Variants in SEMA7A observed in about 807,000 individuals in gnomAD.
The protein encoded by SEMA7A is semaphorin 7A (JohnMiltonHagen blood group).
Under a neutral mutation model 67.5 loss-of-function variants are expected in SEMA7A, and 21 were observed. That is an observed-to-expected ratio of 0.31 (90% confidence interval 0.22 to 0.45). SEMA7A has a LOEUF of 0.45. Among genes scored for constraint, SEMA7A ranks in the 20% least tolerant of loss-of-function variants. The probability of loss-of-function intolerance (pLI) is 1.00; values close to 1 mark genes in which losing one functional copy is unlikely to be tolerated. For missense variants in SEMA7A, 774 were observed against 908.6 expected (o/e 0.85, Z 1.90); for synonymous variants, 364 against 368.5 (o/e 0.99, Z 0.14).
chr15:74,432,882 G>A (rs2061101278), intron 1 of SEMA7A, among the ~76,000 whole-genome samples: 2 of 152,060 alleles, frequency 1.3e-5, no homozygotes, highest in Non-Finnish European at 2.9e-5. Flanking sequence ...CCGCCTAACC[G>A]GCTTTCTGTC....
At chr15:74,426,010 T>C (rs1161058394) in intron 1 of SEMA7A, among the ~76,000 whole-genome samples, 1 of 152,212 alleles carries the variant, frequency 6.6e-6, no homozygotes, top group East Asian at 1.9e-4. Flanking sequence ...CAGTGGGTCA[T>C]GCCCATAATC....
intron 1 of SEMA7A, among the ~76,000 whole-genome samples, chr15:74,421,051 A>G (rs1387834816): frequency 1.3e-5 from 2 of 152,224 alleles, no homozygotes; most frequent in African/African-American, 4.8e-5. Context: ...ACTCAAGGGA[A>G]AAGAGGCACC....
chr15:74,425,656 G>T (rs1257000089), intron 1 of SEMA7A, among the ~76,000 whole-genome samples: 1 of 152,208 alleles, frequency 6.6e-6, no homozygotes, highest in African/African-American at 2.4e-5. Flanking sequence ...GAATTCCTAT[G>T]CTTTGATGTT....
In SEMA7A at chr15:74,418,301, G is replaced by C. The variant is rs540617650; in HGVS notation, c.339C>G (p.Ile113Met). ...CCAGACAGGACCCCTTTGTGGAGCC[G>C]ATATTCACCTGGGGGAAGGGGAGAA... ...GKNASVRTVNIGSTKGSCLDK... is the reference protein window; with the variant it reads ...GKNASVRTVNMGSTKGSCLDK... The change falls in exon 3 of 14, where the codon ATC becomes ATG. Residue 113 changes from isoleucine (I) to methionine (M), a missense_variant. Physicochemically the swap from Ile to Met is conservative, Grantham distance 10 (BLOSUM62 1). Coordinates refer to ENST00000261918, the MANE Select transcript of SEMA7A (RefSeq NM_003612.5). 6.2e-7 allele frequency: 1 copy of C among 1,611,296 alleles called. No homozygotes were observed. The highest frequency in any genetic ancestry group is 1.7e-5 in the Admixed American group (1 of 59,166).
chr15:74,417,719 C>A, intron 4 of SEMA7A, 44 bp from the exon 5 acceptor site: 1 of 1,565,464 alleles, frequency 6.4e-7, no homozygotes, highest in Non-Finnish European at 8.7e-7. Flanking sequence ...AATCCCACAG[C>A]CACTGCCTCC....
At chr15:74,432,987 C>G (rs1339163285) in intron 1 of SEMA7A, among the ~76,000 whole-genome samples, 1 of 152,178 alleles carries the variant, frequency 6.6e-6, no homozygotes, top group Non-Finnish European at 1.5e-5. Flanking sequence ...CACCCCCGCC[C>G]TAGATCCACC....
chr15:74,417,205 C>T (rs2060957835), intron 6 of SEMA7A, 130 bp downstream of exon 6: 7 of 740,526 alleles, frequency 9.5e-6, no homozygotes, highest in Admixed American at 2.0e-5. Flanking sequence ...AGGCCTATAC[C>T]AAGGTCCTGC....
In SEMA7A at chr15:74,414,655, G is replaced by A; in HGVS notation, c.1186C>T (p.Pro396Ser). The change falls in exon 10 of 14, where the codon CCT becomes TCT. Residue 396 changes from proline (P) to serine (S), a missense_variant. This residue lies in a region of SEMA7A where 427 missense variants were observed against 555.4 expected (regional missense o/e 0.77). Coordinates refer to ENST00000261918, the MANE Select transcript of SEMA7A (RefSeq NM_003612.5). The surrounding 1 kb of genome is among the most constrained non-coding windows in gnomAD (Gnocchi z 4.1). ...GAGTGGAACAATGGCGTCTTCAGAGGCCCCATGGGCTCCACCCTCTGCGCC... is the reference window on the plus strand; with the variant it reads ...GAGTGGAACAATGGCGTCTTCAGAGACCCCATGGGCTCCACCCTCTGCGCC... Reference protein sequence around the residue: ...EVAQRVEPMGPLKTPLFHSKY... With the variant: ...EVAQRVEPMGSLKTPLFHSKY... 6.2e-7 allele frequency: 1 copy of A among 1,614,172 alleles called. No individual in the cohort carries two copies. Among genetic ancestry groups the A allele is most frequent in the South Asian group, 1.1e-5 (1 of 91,078 alleles).
At position 74,411,599 on chromosome 15, in the gene SEMA7A, C is replaced by T. The variant is rs751493600; in HGVS notation, c.1534G>A (p.Gly512Ser). The change falls in exon 12 of 14, where the codon GGC (glycine) becomes AGC (serine). Residue 512 changes from glycine (G) to serine (S), a missense_variant. By Grantham distance (56) the Gly-to-Ser change is moderately conservative (BLOSUM62 0). Transcript: ENST00000261918. The surrounding 1 kb of genome is among the most constrained non-coding windows in gnomAD (Gnocchi z 4.4). ...GCLMSRDPYCGWDQGRCISIY... is the reference protein window; with the variant it reads ...GCLMSRDPYCSWDQGRCISIY... The stretch of plus-strand genomic sequence containing the variant: ...GAGATGCAGCGGCCTTGGTCCCAGC[C>T]GCAGTAGGGGTCTCGGGACATGAGG... 2 of 1,596,332 alleles carry T rather than the reference C, an allele frequency of 1.3e-6. No individual in the cohort carries two copies. The highest frequency in any genetic ancestry group is 1.7e-6 in the Non-Finnish European group (2 of 1,170,658).
At chr15:74,433,161 C>T (rs897236056) in intron 1 of SEMA7A, among the ~76,000 whole-genome samples, 1 of 152,114 alleles carries the variant, frequency 6.6e-6, no homozygotes, top group Non-Finnish European at 1.5e-5. Flanking sequence ...CGCACCATGT[C>T]CCGCCGCTCG....
intron 4 of SEMA7A, 52 bp from the exon 5 acceptor site, chr15:74,417,727 T>A: frequency 6.4e-7 from 1 of 1,561,998 alleles, no homozygotes; most frequent in Non-Finnish European, 8.8e-7. Flanking sequence ...AGCCACTGCC[T>A]CCCATGACGG....
intron 1 of SEMA7A, among the ~76,000 whole-genome samples, chr15:74,432,723 C>T (rs912990752): frequency 6.6e-6 from 1 of 152,206 alleles, no homozygotes; most frequent in African/African-American, 2.4e-5. Context: ...TCCCCCAGCC[C>T]CCACTGCGAG....
intron 1 of SEMA7A, 123 bp downstream of exon 1, chr15:74,433,607 ACGCGGGGACAG>A (rs1049894344): frequency 7.9e-6 from 10 of 1,270,852 alleles, no homozygotes; most frequent in East Asian, 6.5e-5. Context: ...CACACGCTCC[ACGCGGGGACAG>A]CGCGGGGACA....
chr15:74,418,161 A>G lies in SEMA7A; in HGVS notation c.372+107T>C, dbSNP rs539624313. The G allele has an allele frequency of 1.5e-5, 18 of 1,237,500 alleles. 1 individual carries two copies. The South Asian group carries it at 2.2e-4, about 15-fold the overall frequency. 76.7% of individuals were successfully genotyped at this position (1,237,500 alleles called of 1,614,324 possible). A position where few individuals can be genotyped will look rare whatever the true frequency, so the allele number is the denominator to read the frequency against. ...GCACAGAGGACCACGTCTCCCCATC[A>G]GTCTGGGACTCGTGGGGCAGGGCCA... is the stretch of plus-strand genomic sequence containing the variant. On this transcript the variant is annotated intron_variant, in intron 3 of 13. Transcript: ENST00000261918.
rs565553616 is a variant in SEMA7A, at chr15:74,410,436, C to A, written c.*188G>T. On this transcript the variant is annotated 3_prime_UTR_variant, in exon 14 of 14. Coordinates refer to ENST00000261918, the MANE Select transcript of SEMA7A (RefSeq NM_003612.5). This position sits in a 1 kb window ranked among gnomAD's most constrained non-coding sequence, Gnocchi z 7.5. ...CCCTCATTCTCAGCCCCTCACCATC[C>A]GTGCGCCACCTGGGGCCCAGCAGCC... 4.0e-6 allele frequency: 3 copies of A among 742,576 alleles called. No homozygotes were observed. The East Asian group carries it at 8.3e-5, about 21-fold the overall frequency. The allele number at this position is 742,576 out of a possible 1,614,324, so 46.0% of individuals were successfully genotyped here.
At position 74,417,441 on chromosome 15, in the gene SEMA7A, G is replaced by A. The variant is rs200802256; in HGVS notation, c.555C>T (p.Asp185=). 1.4e-4 allele frequency: 220 copies of A among 1,613,126 alleles called. 1 individual carries two copies. Among genetic ancestry groups the A allele is most frequent in the East Asian group, 2.5e-4 (11 of 44,874 alleles). Residue 185 remains aspartate (D), a synonymous_variant, in exon 6 of 14, where the codon GAC becomes GAT. Transcript: ENST00000261918. The part of the protein sequence containing the change: ...DENSLVLFEG[D]EVYSTIRKQE... Reference sequence around the variant, plus strand: ...GCTTCCGGATGGTGGAATACACCTCGTCCCCTGGGGTCAGTGGGAGGGAGA... The same window carrying A: ...GCTTCCGGATGGTGGAATACACCTCATCCCCTGGGGTCAGTGGGAGGGAGA...
chr15:74,411,051 C>T lies in SEMA7A; in HGVS notation c.1640-66G>A. The T allele has an allele frequency of 1.3e-6, 2 of 1,548,238 alleles. No homozygotes were observed. The highest frequency in any genetic ancestry group is 1.2e-5 in the South Asian group (1 of 81,590). Reference sequence around the variant, plus strand: ...GAGCTCCCAGGGGAGGATGTGTCCTCCCCACGGACTGGGATCCCAGGACAA... The same window carrying T: ...GAGCTCCCAGGGGAGGATGTGTCCTTCCCACGGACTGGGATCCCAGGACAA... On this transcript the variant is annotated intron_variant, in intron 13 of 13. Transcript: ENST00000261918. The surrounding 1 kb of genome is among the most constrained non-coding windows in gnomAD (Gnocchi z 4.4).
In SEMA7A at chr15:74,423,379, A is replaced by T. The variant is rs2061016741; in HGVS notation, c.179-4427T>A. ...AAGGTGGAAGGGAGAGGATCTAAAC[A>T]GTCATTGAACTGAAGGACACAGAGG... On this transcript the variant is annotated intron_variant, in intron 1 of 13. Transcript: ENST00000261918. This position sits in a 1 kb window ranked among gnomAD's most constrained non-coding sequence, Gnocchi z 4.1. Among the ~76,000 whole-genome samples, 1 of 152,204 alleles carries T rather than the reference A, an allele frequency of 6.6e-6. No individual in the cohort carries two copies. Among genetic ancestry groups the T allele is most frequent in the South Asian group, 2.1e-4 (1 of 4,832 alleles).
chr15:74,418,972 T>C lies in SEMA7A; in HGVS notation c.179-20A>G. On this transcript the variant is annotated intron_variant, in intron 1 of 13. Transcript: ENST00000261918. ...CATGGCCTGAGGAGGAGACAATTAG[T>C]AGAAACATTGAAGCCAGGTCCCGAG... 2 of 1,609,884 alleles carry C rather than the reference T, an allele frequency of 1.2e-6. No homozygotes were observed. The highest frequency in any genetic ancestry group is 2.2e-5 in the East Asian group (1 of 44,824).
Sources: gnomAD v4.1 joint callset for allele counts (sites outside exome capture counted in the v4.1 genomes callset) on GRCh38, gnomAD v4.1.1 for gene constraint, gnomAD v4.1.1 regional missense constraint, Gnocchi (gnomAD v3.1) non-coding constraint, MANE v1.5 for transcripts, NCBI Gene and HGNC (gene_info 2026-07-23, HGNC 2026-07-21) for gene names.